The following EPHA6 variants were observed in gnomAD, a reference collection of about 807,000 sequenced individuals.
EPHA6 encodes the protein EPH receptor A6, also known as ephrin type-A receptor 6.
EPHA6 carries 50 observed loss-of-function variants against 112.0 expected under a neutral mutation model. The observed-to-expected ratio is 0.45, with a 90% confidence interval of 0.36 to 0.56. EPHA6 has a LOEUF of 0.56. EPHA6 is among the 20% of genes least tolerant of loss of function. The pLI is 0.00. For synonymous variants in EPHA6, 529 were observed against 490.7 expected (o/e 1.08, Z -1.03); for missense variants, 1,280 against 1,417.4 (o/e 0.90, Z 1.56).
chr3:96,911,357 C>T (rs563448093), intron 2 of EPHA6, among the ~76,000 whole-genome samples: 84 of 152,074 alleles, frequency 5.5e-4, no homozygotes, highest in Middle Eastern at 3.4e-3. Flanking sequence ...TCAAGTTAAT[C>T]TCACTTTAAT....
intron 5 of EPHA6, among the ~76,000 whole-genome samples, chr3:97,253,217 T>G (rs1042904821): frequency 6.6e-6 from 1 of 152,228 alleles, no homozygotes; most frequent in Non-Finnish European, 1.5e-5. Flanking sequence ...TAATAAATGA[T>G]TAAACAGTGA....
intron 1 of EPHA6, among the ~76,000 whole-genome samples, chr3:96,834,558 G>A (rs1186321956): frequency 1.3e-5 from 2 of 151,942 alleles, no homozygotes; most frequent in African/African-American, 4.8e-5. Flanking sequence ...AAGCCCTGTT[G>A]TTGTTTTTTT....
At chr3:97,070,195 C>A (rs1243737834) in intron 3 of EPHA6, among the ~76,000 whole-genome samples, 1 of 152,072 alleles carries the variant, frequency 6.6e-6, no homozygotes, top group Non-Finnish European at 1.5e-5. Context: ...TCTTTGTCAT[C>A]TATTTGTGTT....
At chr3:97,431,664 T>G (rs1051974627) in intron 6 of EPHA6, among the ~76,000 whole-genome samples, 1 of 152,120 alleles carries the variant, frequency 6.6e-6, no homozygotes, top group African/African-American at 2.4e-5. Context: ...TATCCACAAC[T>G]CCTTGGTAAT....
chr3:96,951,894 T>TA (rs1298421402), intron 2 of EPHA6, among the ~76,000 whole-genome samples: 3 of 152,120 alleles, frequency 2.0e-5, no homozygotes, highest in African/African-American at 7.2e-5. Flanking sequence ...TGGCCTGCAG[T>TA]AGTCATGAAA....
At position 97,330,034 on chromosome 3, in the gene EPHA6, A is replaced by G. The variant is rs569484347; in HGVS notation, c.1607-75116A>G. 1.9e-4 allele frequency among the ~76,000 whole-genome samples: 29 copies of G among 152,234 alleles called. No individual in the cohort carries two copies. In the East Asian group the frequency reaches 4.4e-3, roughly 23 times the overall value. ...GGGATCCAGTTTCAGCTTTCTACCT[A>G]TGGCTAGCCAGTTTTCCCAGCACCA... is the stretch of plus-strand genomic sequence containing the variant. On this transcript the variant is annotated intron_variant, in intron 5 of 17. Transcript: ENST00000389672.
intron 5 of EPHA6, among the ~76,000 whole-genome samples, chr3:97,298,887 A>G (rs1451247127): frequency 1.3e-5 from 2 of 152,164 alleles, no homozygotes; most frequent in East Asian, 1.9e-4. Flanking sequence ...TCTACTCCTA[A>G]TAAATATATA....
chr3:96,911,924 A>G (rs904577258), intron 2 of EPHA6, among the ~76,000 whole-genome samples: 1 of 151,870 alleles, frequency 6.6e-6, no homozygotes, highest in Non-Finnish European at 1.5e-5. Context: ...ACCTTCTATT[A>G]CCTTTTCACA....
At chr3:97,740,216 C>G (rs896750629) in intron 16 of EPHA6, among the ~76,000 whole-genome samples, 1 of 152,126 alleles carries the variant, frequency 6.6e-6, no homozygotes, top group Non-Finnish European at 1.5e-5. Flanking sequence ...CCCCTGATTA[C>G]TCCACACATG....
intron 5 of EPHA6, among the ~76,000 whole-genome samples, chr3:97,279,094 A>G (rs1355545768): frequency 6.6e-6 from 1 of 152,190 alleles, no homozygotes; most frequent in Non-Finnish European, 1.5e-5. Context: ...TTTACAAGCA[A>G]TTTAGGATGT....
At chr3:97,207,202 G>A (rs1475969502) in intron 3 of EPHA6, among the ~76,000 whole-genome samples, 1 of 152,024 alleles carries the variant, frequency 6.6e-6, no homozygotes, top group Non-Finnish European at 1.5e-5. Context: ...ATATAATGTA[G>A]CAATGTTGAC....
chr3:97,481,631 C>A (rs947781899), intron 9 of EPHA6: 23 of 443,422 alleles, frequency 5.2e-5, no homozygotes, highest in South Asian at 4.2e-4. Flanking sequence ...TCCCTAGGCC[C>A]GCCGCTTGGA....
chr3:97,170,003 A>G (rs1170878690), intron 3 of EPHA6, among the ~76,000 whole-genome samples: 1 of 152,076 alleles, frequency 6.6e-6, no homozygotes, highest in Non-Finnish European at 1.5e-5. Context: ...TAGGACAAAT[A>G]CCTAATGCAT....
intron 3 of EPHA6, among the ~76,000 whole-genome samples, chr3:97,187,676 A>AAAGAAG (rs1166940388): frequency 3.4e-3 from 298 of 88,320 alleles, no homozygotes; most frequent in Non-Finnish European, 4.8e-3. Context: ...AGAAAGAAAG[A>AAAGAAG]GAAAGAAAGA....
chr3:96,923,737 C>A (rs111382136), intron 2 of EPHA6, among the ~76,000 whole-genome samples: 1,582 of 152,186 alleles, frequency 0.01, 26 homozygotes, highest in African/African-American at 0.036. Flanking sequence ...CCTAGATTTT[C>A]TTCTAGAGAT....
intron 5 of EPHA6, among the ~76,000 whole-genome samples, chr3:97,271,711 C>T (rs1358368788): frequency 6.6e-6 from 1 of 152,118 alleles, no homozygotes; most frequent in East Asian, 1.9e-4. Context: ...ACACTTTATG[C>T]AATTTTTAAG....
At chr3:97,551,753 G>A (rs2093032106) in intron 11 of EPHA6, among the ~76,000 whole-genome samples, 1 of 151,968 alleles carries the variant, frequency 6.6e-6, no homozygotes, top group Admixed American at 6.6e-5. Context: ...TCTTCCATTA[G>A]CTACAGTTTC....
intron 2 of EPHA6, among the ~76,000 whole-genome samples, chr3:96,927,731 T>C (rs1411845151): frequency 5.3e-5 from 8 of 152,162 alleles, no homozygotes; most frequent in Admixed American, 5.2e-4. Context: ...TTTTCCCTCA[T>C]CTCCCTGTTA....
At chr3:97,490,495 TTTG>T (rs2091812368) in intron 10 of EPHA6, among the ~76,000 whole-genome samples, 1 of 152,168 alleles carries the variant, frequency 6.6e-6, no homozygotes, top group African/African-American at 2.4e-5. Context: ...ATTTTTCAAA[TTTG>T]TTTTTATTTT....
Sources: gnomAD v4.1 joint callset for allele counts (sites outside exome capture counted in the v4.1 genomes callset) on GRCh38, gnomAD v4.1.1 for gene constraint, MANE v1.5 for transcripts, NCBI Gene and HGNC (gene_info 2026-07-23, HGNC 2026-07-21) for gene names.